The following KHDRBS2 variants were observed in gnomAD, a reference collection of about 807,000 sequenced individuals.
KHDRBS2 encodes KH domain-containing, RNA-binding, signal transduction-associated protein 2.
A neutral mutation model predicts 44.3 loss-of-function variants in KHDRBS2; 26 were observed. The ratio of observed to expected loss-of-function variants is 0.59; its 90% CI spans 0.43 to 0.81. The LOEUF is 0.81. Among genes scored for constraint, KHDRBS2 ranks in the 40% least tolerant of loss-of-function variants. The pLI is 0.00. For synonymous variants in KHDRBS2, 194 were observed against 151.1 expected (o/e 1.28, Z -2.08); for missense variants, 476 against 433.1 (o/e 1.10, Z -0.88).
intron 3 of KHDRBS2, among the ~76,000 whole-genome samples, chr6:62,033,508 G>A (rs10455201): frequency 0.015 from 2,268 of 151,798 alleles, 34 homozygotes; most frequent in Non-Finnish European, 0.021. Context: ...AAATACATCC[G>A]GCAGCAGACT....
intron 6 of KHDRBS2, among the ~76,000 whole-genome samples, chr6:61,864,161 T>C (rs1190621087): frequency 6.6e-6 from 1 of 152,154 alleles, no homozygotes; most frequent in Non-Finnish European, 1.5e-5. Context: ...TTTGAGACTA[T>C]GTGTTTCTTT....
intron 3 of KHDRBS2, among the ~76,000 whole-genome samples, chr6:61,995,128 C>T (rs570217716): frequency 1.3e-5 from 2 of 151,892 alleles, no homozygotes; most frequent in Non-Finnish European, 2.9e-5. Context: ...CTACAAAGCA[C>T]TATATTATGT....
chr6:62,148,223 T>C (rs1814344069), intron 2 of KHDRBS2, among the ~76,000 whole-genome samples: 1 of 152,004 alleles, frequency 6.6e-6, no homozygotes, highest in Non-Finnish European at 1.5e-5. Flanking sequence ...TCTCTGACCA[T>C]AGACCAAACC....
chr6:62,264,095 G>A (rs1013429353), intron 1 of KHDRBS2, among the ~76,000 whole-genome samples: 29 of 151,548 alleles, frequency 1.9e-4, no homozygotes, highest in Admixed American at 6.6e-5. Context: ...TGTAAATTGG[G>A]TATACAGCCA....
chr6:61,692,107 C>G (rs12207803), intron 8 of KHDRBS2, among the ~76,000 whole-genome samples: 1 of 152,000 alleles, frequency 6.6e-6, no homozygotes, highest in African/African-American at 2.4e-5. Flanking sequence ...GAGAGTATTT[C>G]TTATGTGAAG....
chr6:62,126,258 C>A (rs1223765035), intron 2 of KHDRBS2, among the ~76,000 whole-genome samples: 3 of 152,090 alleles, frequency 2.0e-5, no homozygotes, highest in African/African-American at 4.8e-5. Context: ...GATTCCATTT[C>A]TTATATGAAA....
chr6:62,094,478 T>A (rs1295163806), intron 2 of KHDRBS2, among the ~76,000 whole-genome samples: 2 of 151,958 alleles, frequency 1.3e-5, no homozygotes, highest in African/African-American at 4.8e-5. Flanking sequence ...TCTCTCATTT[T>A]GTAGGTTATC....
At chr6:61,613,350 C>T in the KHDRBS2 span, among the ~76,000 whole-genome samples, 1 of 152,242 alleles carries the variant, frequency 6.6e-6, no homozygotes, top group African/African-American at 2.4e-5. Flanking sequence ...ACGTGTAATA[C>T]ATAATTTAAC....
chr6:61,974,933 A>T (rs201799085), intron 4 of KHDRBS2, among the ~76,000 whole-genome samples: 5 of 138,682 alleles, frequency 3.6e-5, no homozygotes. Context: ...TCCATCTTAA[A>T]AAATAAATAA....
intron 6 of KHDRBS2, among the ~76,000 whole-genome samples, chr6:61,839,397 A>G (rs532395492): frequency 6.6e-6 from 1 of 152,166 alleles, no homozygotes; most frequent in African/African-American, 2.4e-5. Context: ...AGATATTTGT[A>G]ACAGGGTGAA....
the KHDRBS2 span, among the ~76,000 whole-genome samples, chr6:61,592,666 G>A: frequency 1.8e-4 from 27 of 152,242 alleles, no homozygotes; most frequent in African/African-American, 6.3e-4. Flanking sequence ...GTATATTTTA[G>A]GGTGAAATAT....
In KHDRBS2 at chr6:62,177,238, T is replaced by C. The variant is rs755300753; in HGVS notation, c.166A>G (p.Lys56Glu). The C allele has an allele frequency of 2.5e-6, 4 of 1,596,508 alleles. No individual in the cohort carries two copies. The highest frequency in any genetic ancestry group is 1.7e-5 in the Admixed American group (1 of 59,540). Reference protein sequence around the residue: ...EKKYLDVISNKNIKLSERVLI... With the variant: ...EKKYLDVISNENIKLSERVLI... ...ACTCTTTCTGAGAGCTTTATGTTTT[T>C]GTTGCTGATGACATCAAGATACTTC... Residue 56 changes from lysine (K) to glutamate (E), a missense_variant, in exon 2 of 9, where the codon AAA becomes GAA. Transcript: ENST00000281156.
chr6:61,770,725 G>T (rs1057131638), intron 6 of KHDRBS2, among the ~76,000 whole-genome samples: 1 of 152,218 alleles, frequency 6.6e-6, no homozygotes, highest in Non-Finnish European at 1.5e-5. Context: ...GTACCTGAAA[G>T]TGACAGGGAG....
intron 6 of KHDRBS2, among the ~76,000 whole-genome samples, chr6:61,814,646 A>C (rs1359831478): frequency 6.6e-6 from 1 of 152,082 alleles, no homozygotes; most frequent in Non-Finnish European, 1.5e-5. Flanking sequence ...ATATAGTGTT[A>C]ATATGGTTTC....
At chr6:62,068,881 C>A (rs1255034769) in intron 2 of KHDRBS2, among the ~76,000 whole-genome samples, 1 of 151,670 alleles carries the variant, frequency 6.6e-6, no homozygotes, top group Non-Finnish European at 1.5e-5. Context: ...TAATACCAAA[C>A]CATCTTGAAT....
rs577380860 is a variant in KHDRBS2 at position 61,775,945 on chromosome 6, A to C, written c.811-43181T>G. ...ATGGTACTGGTACCAAAACAGAGAT[A>C]TAGATCAATGGAACAGAACAGAACC... On this transcript the variant is annotated intron_variant, in intron 6 of 8. Transcript: ENST00000281156. Among the ~76,000 whole-genome samples, 18 of 152,370 alleles carry C rather than the reference A, an allele frequency of 1.2e-4. No individual in the cohort carries two copies. In the South Asian group the frequency reaches 3.3e-3, roughly 28 times the overall value.
intron 2 of KHDRBS2, among the ~76,000 whole-genome samples, chr6:62,090,516 A>G (rs534265351): frequency 4.0e-4 from 61 of 152,236 alleles, no homozygotes; most frequent in African/African-American, 1.4e-3. Flanking sequence ...ATACCAATGC[A>G]ATTCTCTACC....
chr6:62,073,224 T>G (rs927073118), intron 2 of KHDRBS2, among the ~76,000 whole-genome samples: 2 of 151,870 alleles, frequency 1.3e-5, no homozygotes, highest in African/African-American at 4.8e-5. Context: ...TTTAAATTAT[T>G]AATTTTATCT....
chr6:61,793,994 A>T (rs1784981801), intron 6 of KHDRBS2, among the ~76,000 whole-genome samples: 1 of 152,182 alleles, frequency 6.6e-6, no homozygotes, highest in South Asian at 2.1e-4. Flanking sequence ...TTATGATTCA[A>T]ATTCAGCATG....
Sources: allele counts gnomAD v4.1 joint callset (sites outside exome capture counted in the v4.1 genomes callset), GRCh38; gene constraint gnomAD v4.1.1; transcripts MANE v1.5; gene names NCBI Gene and HGNC (gene_info 2026-07-23, HGNC 2026-07-21).